CTTNBP2: variants seen among roughly 807,000 people sequenced by gnomAD.
The protein encoded by CTTNBP2 is cortactin-binding protein 2.
CTTNBP2 carries 108 observed loss-of-function variants against 156.9 expected under a neutral mutation model. The observed-to-expected ratio is 0.69, with a 90% confidence interval of 0.59 to 0.81. The LOEUF (loss-of-function observed/expected upper bound fraction) is 0.81, where lower values mean the gene tolerates loss of function less well. CTTNBP2 is among the 30% of genes least tolerant of loss of function. The pLI is 0.00. For synonymous variants in CTTNBP2, 767 were observed against 751.8 expected (o/e 1.02, Z -0.33); for missense variants, 1,924 against 2,035.4 (o/e 0.95, Z 1.05).
At chr7:117,826,914 T>G (rs1317742654) in intron 2 of CTTNBP2, among the ~76,000 whole-genome samples, 1 of 150,886 alleles carries the variant, frequency 6.6e-6, no homozygotes, top group Non-Finnish European at 1.5e-5. Flanking sequence ...CAGGCTGGAG[T>G]GCAGTGGCAC....
At chr7:117,863,794 A>G (rs1464450064) in intron 1 of CTTNBP2, among the ~76,000 whole-genome samples, 2 of 152,206 alleles carry the variant, frequency 1.3e-5, no homozygotes, top group Non-Finnish European at 2.9e-5. Flanking sequence ...GGAATGGGGT[A>G]TTGGCCAGGA....
chr7:117,779,344 T>C, intron 7 of CTTNBP2, among the ~76,000 whole-genome samples: 1 of 152,206 alleles, frequency 6.6e-6, no homozygotes, highest in East Asian at 1.9e-4. Context: ...TTTCTTATTA[T>C]AAGGCACAAG....
intron 1 of CTTNBP2, chr7:117,871,886 T>C: frequency 1.5e-6 from 1 of 649,214 alleles, no homozygotes; most frequent in Non-Finnish European, 1.7e-6. Flanking sequence ...CCTCTTTCTT[T>C]TTCCTCGTCC....
intron 8 of CTTNBP2, among the ~76,000 whole-genome samples, chr7:117,767,577 C>A (rs554308617): frequency 1.3e-5 from 2 of 152,178 alleles, no homozygotes; most frequent in Non-Finnish European, 2.9e-5. Context: ...TTGCTGTCTT[C>A]TAGACTATAA....
At position 117,760,575 on chromosome 7, in the gene CTTNBP2, T is replaced by C; in HGVS notation, c.3032A>G (p.Lys1011Arg). The change falls in exon 10 of 23, where the codon AAA (lysine) becomes AGA (arginine). Residue 1011 changes from lysine to arginine, a missense_variant. Coordinates refer to ENST00000160373, the MANE Select transcript of CTTNBP2 (RefSeq NM_033427.3). ...RKQTSWDDFSKAVSQALTNHF... is the reference protein window; with the variant it reads ...RKQTSWDDFSRAVSQALTNHF... ...ATTTGTCAGAGCTTGACTCACTGCTTTTGAAAAATCATCCCATGATGTCTG... is the reference window on the plus strand; with the variant it reads ...ATTTGTCAGAGCTTGACTCACTGCTCTTGAAAAATCATCCCATGATGTCTG... 1 of 1,614,168 alleles carries C rather than the reference T, an allele frequency of 6.2e-7. No homozygotes were observed. Among genetic ancestry groups the C allele is most frequent in the Non-Finnish European group, 8.5e-7 (1 of 1,180,010 alleles).
chr7:117,783,815 G>A (rs1439283469), intron 5 of CTTNBP2, among the ~76,000 whole-genome samples: 2 of 152,108 alleles, frequency 1.3e-5, no homozygotes, highest in African/African-American at 4.8e-5. Flanking sequence ...ACCATTTATA[G>A]TTACACAACT....
At chr7:117,838,034 A>T (rs1332974834) in intron 2 of CTTNBP2, among the ~76,000 whole-genome samples, 1 of 152,214 alleles carries the variant, frequency 6.6e-6, no homozygotes, top group African/African-American at 2.4e-5. Flanking sequence ...CATGGGTTAA[A>T]GCCACAAAAC....
At chr7:117,735,620 C>T (rs1795646133) in intron 14 of CTTNBP2, among the ~76,000 whole-genome samples, 199 bp from the exon 15 acceptor site, 1 of 152,158 alleles carries the variant, frequency 6.6e-6, no homozygotes, top group Non-Finnish European at 1.5e-5. Flanking sequence ...TCAAAATGAT[C>T]CAACATTCCT....
At chr7:117,783,049 C>A in intron 5 of CTTNBP2, 88 bp from the exon 6 acceptor site, 2 of 864,294 alleles carry the variant, frequency 2.3e-6, no homozygotes, top group Non-Finnish European at 3.8e-6. Flanking sequence ...AGATTCTAAT[C>A]CCAAAGGGAC....
intron 14 of CTTNBP2, among the ~76,000 whole-genome samples, chr7:117,737,958 C>T (rs1306481764): frequency 3.9e-5 from 6 of 152,216 alleles, no homozygotes; most frequent in South Asian, 2.1e-4. Context: ...GGGAATACGG[C>T]GTCAGATCAA....
intron 12 of CTTNBP2, chr7:117,755,625 A>G: frequency 2.2e-6 from 1 of 459,198 alleles, no homozygotes; most frequent in Non-Finnish European, 4.4e-6. Context: ...GAATAAATAA[A>G]ATAAGTCATA....
chr7:117,870,638 C>T (rs540325187), intron 1 of CTTNBP2, among the ~76,000 whole-genome samples: 3 of 152,276 alleles, frequency 2.0e-5, no homozygotes, highest in African/African-American at 7.2e-5. Context: ...CCTTTCATTC[C>T]AAAATTCTTT....
At chr7:117,781,393 A>T (rs976547796) in intron 6 of CTTNBP2, among the ~76,000 whole-genome samples, 5 of 152,040 alleles carry the variant, frequency 3.3e-5, no homozygotes, top group Non-Finnish European at 7.4e-5. Flanking sequence ...TGATTTATAC[A>T]TTTTTTTTAA....
rs1298639361 is a variant in CTTNBP2, at chr7:117,817,361, A to ATAAATAAATATATATATATATATATATAT, written c.190-6373_190-6372insATATATATATATATATATATATTTATTTA. 9.4e-5 allele frequency among the ~76,000 whole-genome samples: 5 copies of ATAAATAAATATATATATATATATATATAT among 53,306 alleles called. No homozygotes were observed. In the South Asian group the frequency reaches 1.9e-3, roughly 20 times the overall value. The allele number at this position is 53,306 out of a possible 152,430, so 35.0% of individuals were successfully genotyped here. On this transcript the variant is annotated intron_variant, in intron 2 of 22. Transcript: ENST00000160373. ...AAAAAAAAAAAAAAAAAAAAAAAAA[A>ATAAATAAATATATATATATATATATATAT]ATATATATATATATATATATATATA...
At chr7:117,832,417 G>A (rs751839825) in intron 2 of CTTNBP2, among the ~76,000 whole-genome samples, 1 of 151,976 alleles carries the variant, frequency 6.6e-6, no homozygotes, top group Non-Finnish European at 1.5e-5. Context: ...TAGGTCTAAG[G>A]TATTACCGTA....
Position 117,810,924 on chromosome 7 carries a change from C to T in CTTNBP2, c.255G>A (p.Leu85=), listed in dbSNP as rs1800237714. ...CTGCTTCATAGTCTCTCTGGAGTGC[C>T]AGGAACGGGTCATTTAGATTAAATC... The part of the protein sequence containing the change: ...YGRFNLNDPF[L]ALQRDYEAGA... Residue 85 remains leucine (L), a synonymous_variant, in exon 3 of 23, where the codon CTG becomes CTA. Coordinates refer to ENST00000160373, the MANE Select transcript of CTTNBP2 (RefSeq NM_033427.3). 3 of 1,614,066 alleles carry T rather than the reference C, an allele frequency of 1.9e-6. No homozygotes were observed. In the East Asian group the frequency reaches 6.7e-5, roughly 36 times the overall value.
intron 8 of CTTNBP2, among the ~76,000 whole-genome samples, chr7:117,774,682 G>C (rs758621837): frequency 7.2e-6 from 1 of 138,690 alleles, no homozygotes; most frequent in East Asian, 2.5e-4. Context: ...TGCCAAAAAG[G>C]TTGGGGGCCA....
intron 19 of CTTNBP2, among the ~76,000 whole-genome samples, chr7:117,723,566 CATTT>C (rs1468764568): frequency 6.6e-6 from 1 of 152,076 alleles, no homozygotes; most frequent in Non-Finnish European, 1.5e-5. Context: ...TTGGGAAAGA[CATTT>C]ATAATTTATA....
intron 8 of CTTNBP2, 24 bp downstream of exon 8, chr7:117,777,487 G>A (rs750507436): frequency 6.3e-7 from 1 of 1,598,678 alleles, no homozygotes; most frequent in South Asian, 1.1e-5. Flanking sequence ...GCTGCATGAT[G>A]AGGCCAGCTG....
Sources: allele counts gnomAD v4.1 joint callset (sites outside exome capture counted in the v4.1 genomes callset), GRCh38; gene constraint gnomAD v4.1.1; transcripts MANE v1.5; gene names NCBI Gene and HGNC (gene_info 2026-07-23, HGNC 2026-07-21).